RAPGEF5: variants seen among roughly 807,000 people sequenced by gnomAD.
The protein encoded by RAPGEF5 is Rap guanine nucleotide exchange factor 5, also known as M-Ras-regulated GEF.
In RAPGEF5, 65 loss-of-function variants were observed where a neutral mutation model predicts 125.2. The ratio of observed to expected loss-of-function variants is 0.52; its 90% CI spans 0.43 to 0.64. RAPGEF5 has a LOEUF of 0.64. Ranked by LOEUF, RAPGEF5 falls within the 30% of genes least tolerant of loss-of-function variation. RAPGEF5 has a pLI of 0.00. For missense variants in RAPGEF5, 958 were observed against 1,048.1 expected, an observed-to-expected ratio of 0.91 and a Z score of 1.19; for synonymous variants, 391 against 385.9, an observed-to-expected ratio of 1.01 and a Z score of -0.16.
chr7:22,126,713 A>G (rs1337092297), intron 24 of RAPGEF5, among the ~76,000 whole-genome samples: 1 of 152,014 alleles, frequency 6.6e-6, no homozygotes, highest in Non-Finnish European at 1.5e-5. Flanking sequence ...TCACCAGTTC[A>G]AGCAATTCTC....
intron 11 of RAPGEF5, among the ~76,000 whole-genome samples, chr7:22,187,273 C>CT (rs1443570168): frequency 2.0e-5 from 3 of 152,042 alleles, no homozygotes; most frequent in Non-Finnish European, 4.4e-5. Flanking sequence ...ATATAGATCC[C>CT]TTTGAATCAA....
intron 9 of RAPGEF5, among the ~76,000 whole-genome samples, chr7:22,204,023 A>G (rs1010300670): frequency 2.0e-5 from 3 of 152,248 alleles, no homozygotes; most frequent in Admixed American, 6.5e-5. Context: ...AATTATGATT[A>G]AAGTTTCTAC....
chr7:22,357,097 A>G lies in RAPGEF5; in HGVS notation c.-37T>C, dbSNP rs1784437443. 2 of 993,360 alleles carry G rather than the reference A, an allele frequency of 2.0e-6. No homozygotes were observed. Among genetic ancestry groups the G allele is most frequent in the East Asian group, 9.2e-5 (1 of 10,920 alleles). The allele number at this position is 993,360 out of a possible 1,614,324, so 61.5% of individuals were successfully genotyped here. A position where few individuals can be genotyped will look rare whatever the true frequency, so the allele number is the denominator to read the frequency against. On this transcript the variant is annotated 5_prime_UTR_variant, in exon 1 of 26. Transcript: ENST00000665637. ...GCTGCGGCGCCGGGGGCTCCTCTCCACCGCGCTCGCCTCCGCGCGCCGTCC... is the reference window on the plus strand; with the variant it reads ...GCTGCGGCGCCGGGGGCTCCTCTCCGCCGCGCTCGCCTCCGCGCGCCGTCC...
chr7:22,171,157 C>T (rs770140497), intron 11 of RAPGEF5, among the ~76,000 whole-genome samples: 1 of 152,036 alleles, frequency 6.6e-6, no homozygotes, highest in Non-Finnish European at 1.5e-5. Context: ...GAGGCTGTCC[C>T]ATTGGTATTT....
At chr7:22,152,833 C>T (rs1783672220) in intron 17 of RAPGEF5, among the ~76,000 whole-genome samples, 1 of 152,114 alleles carries the variant, frequency 6.6e-6, no homozygotes, top group Admixed American at 6.5e-5. Flanking sequence ...AAGATGCAGG[C>T]AGAAAGGTTC....
intron 7 of RAPGEF5, 66 bp downstream of exon 7, chr7:22,266,898 C>G (rs1394060240): frequency 6.8e-7 from 1 of 1,475,606 alleles, no homozygotes; most frequent in Non-Finnish European, 9.5e-7. Context: ...TGCACACTAC[C>G]AGATGATATG....
intron 6 of RAPGEF5, among the ~76,000 whole-genome samples, chr7:22,269,406 C>G (rs1562499254): frequency 6.6e-6 from 1 of 152,090 alleles, no homozygotes; most frequent in Non-Finnish European, 1.5e-5. Context: ...GAGGCAGGGA[C>G]CTGTTTGCCT....
In RAPGEF5 at chr7:22,119,783, G is replaced by A. The variant is rs1471555822; in HGVS notation, c.*2623C>T. On this transcript the variant is annotated 3_prime_UTR_variant, in exon 26 of 26. Coordinates refer to ENST00000665637, the MANE Select transcript of RAPGEF5 (RefSeq NM_012294.5). This position sits in a 1 kb window ranked among gnomAD's most constrained non-coding sequence, Gnocchi z 4.1. The stretch of plus-strand genomic sequence containing the variant: ...CAAATGAGAGCTGGCAAAGAGCTTA[G>A]CCATCTTCTAGACCACGCTTCTAGC... The A allele has an allele frequency of 1.3e-5, 2 of 152,180 alleles. No homozygotes were observed. Among genetic ancestry groups the A allele is most frequent in the African/African-American group, 4.8e-5 (2 of 41,430 alleles). 9.4% of individuals were successfully genotyped at this position (152,180 alleles called of 1,614,324 possible). A position where few individuals can be genotyped will look rare whatever the true frequency, so the allele number is the denominator to read the frequency against.
chr7:22,125,606 A>C lies in RAPGEF5; in HGVS notation c.2534T>G (p.Phe845Cys), dbSNP rs981616242. The C allele has an allele frequency of 1.9e-5, 31 of 1,610,090 alleles. No homozygotes were observed. The highest frequency in any genetic ancestry group is 2.5e-5 in the Non-Finnish European group (30 of 1,176,498). ...RTLRHCRTNQ[F>C]GDLSPKEHQE... ...CGCACCTGACTTCAATTACTCACCAAACTGGTTAGTCCTGCAGTGTCTCAG... is the reference window on the plus strand; with the variant it reads ...CGCACCTGACTTCAATTACTCACCACACTGGTTAGTCCTGCAGTGTCTCAG... Residue 845 changes from phenylalanine (F) to cysteine (C), a missense_variant and splice_region_variant, in exon 25 of 26, where the codon TTT (phenylalanine) becomes TGT (cysteine). Physicochemically the swap from Phe to Cys is radical, Grantham distance 205. Transcript: ENST00000665637.
chr7:22,237,039 C>A (rs143810393), intron 7 of RAPGEF5, among the ~76,000 whole-genome samples: 1 of 152,000 alleles, frequency 6.6e-6, no homozygotes, highest in East Asian at 1.9e-4. Flanking sequence ...TTGTCTCTAA[C>A]CTGGAATGCC....
chr7:22,132,378 CTTT>C (rs33968264), intron 23 of RAPGEF5, among the ~76,000 whole-genome samples: 69 of 148,004 alleles, frequency 4.7e-4, no homozygotes, highest in Middle Eastern at 3.4e-3. Flanking sequence ...CCTTTCCTCT[CTTT>C]TTTTTTTTTT....
intron 6 of RAPGEF5, among the ~76,000 whole-genome samples, chr7:22,268,186 A>G (rs1342362405): frequency 6.6e-6 from 1 of 152,180 alleles, no homozygotes; most frequent in African/African-American, 2.4e-5. Context: ...TGACACTGTA[A>G]GATTCTCTCA....
At chr7:22,166,563 G>C (rs1784172429) in intron 12 of RAPGEF5, among the ~76,000 whole-genome samples, 1 of 152,206 alleles carries the variant, frequency 6.6e-6, no homozygotes, top group Admixed American at 6.5e-5. Flanking sequence ...CAGTGACAAA[G>C]CTGTGAAAAG....
intron 6 of RAPGEF5, among the ~76,000 whole-genome samples, chr7:22,281,780 CA>C (rs1255192408): frequency 6.6e-6 from 1 of 152,200 alleles, no homozygotes; most frequent in African/African-American, 2.4e-5. Flanking sequence ...ACACATCTGA[CA>C]AAGATGTTAC....
chr7:22,290,726 C>A (rs543091693), intron 6 of RAPGEF5, among the ~76,000 whole-genome samples: 43 of 122,466 alleles, frequency 3.5e-4, no homozygotes, highest in African/African-American at 1.3e-3. Flanking sequence ...GCCTGGGCGA[C>A]AGAGCGAGAC....
At chr7:22,340,222 C>T (rs554707722) in intron 1 of RAPGEF5, among the ~76,000 whole-genome samples, 62 of 152,182 alleles carry the variant, frequency 4.1e-4, no homozygotes, top group Middle Eastern at 3.4e-3. Flanking sequence ...AGCAAACAAG[C>T]GCCTGAGCTG....
Position 22,356,939 on chromosome 7 carries a change from G to A in RAPGEF5, c.122C>T (p.Pro41Leu). Residue 41 changes from proline (P) to leucine (L), a missense_variant, in exon 1 of 26, where the codon CCC (proline) becomes CTC (leucine). By Grantham distance (98) the Pro-to-Leu change is moderately conservative. Coordinates refer to ENST00000665637, the MANE Select transcript of RAPGEF5 (RefSeq NM_012294.5). Reference protein sequence around the residue: ...PLRRSPSAREPEREQPPASLR... With the variant: ...PLRRSPSARELEREQPPASLR... ...CGACGCCGGCGGCTGCTCGCGCTCG[G>A]GCTCCCGGGCGCTGGGGCTGCGGCG... 6.6e-6 allele frequency: 7 copies of A among 1,059,936 alleles called. No homozygotes were observed. Among genetic ancestry groups the A allele is most frequent in the Non-Finnish European group, 8.0e-6 (7 of 880,238 alleles). 65.7% of individuals were successfully genotyped at this position (1,059,936 alleles called of 1,614,324 possible).
chr7:22,244,634 T>G (rs1282606698), intron 7 of RAPGEF5, among the ~76,000 whole-genome samples: 1 of 152,162 alleles, frequency 6.6e-6, no homozygotes, highest in Non-Finnish European at 1.5e-5. Context: ...AATTATTTCA[T>G]TATATATTAC....
chr7:22,326,018 A>G (rs1213759113), intron 1 of RAPGEF5, among the ~76,000 whole-genome samples: 1 of 152,236 alleles, frequency 6.6e-6, no homozygotes. Context: ...CAGGTCAGAA[A>G]TGAGTGAAAG....
Sources: gnomAD v4.1 joint callset for allele counts (sites outside exome capture counted in the v4.1 genomes callset) on GRCh38, gnomAD v4.1.1 for gene constraint, Gnocchi (gnomAD v3.1) non-coding constraint, MANE v1.5 for transcripts, NCBI Gene and HGNC (gene_info 2026-07-23, HGNC 2026-07-21) for gene names.